Variants in ATIC observed in about 807,000 individuals in gnomAD.
The protein encoded by ATIC is 5-aminoimidazole-4-carboxamide ribonucleotide formyltransferase/IMP cyclohydrolase.
In ATIC, 64 loss-of-function variants were observed where a neutral mutation model predicts 72.5. That is an observed-to-expected ratio of 0.88 (90% CI 0.72 to 1.09). The LOEUF is 1.09. ATIC is among the 50% of genes least tolerant of loss of function. The pLI is 0.00. For missense variants in ATIC, 787 were observed against 732.4 expected (o/e 1.07, Z -0.86); for synonymous variants, 281 against 267.1 (o/e 1.05, Z -0.51).
intron 4 of ATIC, 61 bp from the exon 5 acceptor site, chr2:215,325,180 A>G (rs2052809070): frequency 7.8e-7 from 1 of 1,277,694 alleles, no homozygotes; most frequent in African/African-American, 1.5e-5. Context: ...TTTTTCCTAG[A>G]TAGCTGTAAA....
At chr2:215,342,536 C>T (rs1157251062) in intron 12 of ATIC, among the ~76,000 whole-genome samples, 1 of 152,068 alleles carries the variant, frequency 6.6e-6, no homozygotes, top group East Asian at 1.9e-4. Flanking sequence ...TGCAGTGATC[C>T]CTCATGTTCT....
At chr2:215,362,152 TAAAG>T in the ATIC span, 2 of 1,153,752 alleles carry the variant, frequency 1.7e-6, no homozygotes, top group African/African-American at 3.0e-5. Context: ...GTGTTTGAGT[TAAAG>T]AAAAATGTCA....
chr2:215,367,668 A>G, the ATIC span: 2 of 632,680 alleles, frequency 3.2e-6, no homozygotes, highest in African/African-American at 1.8e-5. Context: ...CTTGAAATGA[A>G]GCAATGTCCA....
chr2:215,346,905 T>C lies in ATIC; in HGVS notation c.1467T>C (p.Asn489=), dbSNP rs1275886320. Residue 489 remains asparagine (N), a synonymous_variant, in exon 14 of 16, where the codon AAT becomes AAC. Coordinates refer to ENST00000236959, the MANE Select transcript of ATIC (RefSeq NM_004044.7). ...KTGVKRAEIS[N]AIDQYVTGTI... ...GAGTGAAGAGAGCAGAAATCTCCAA[T>C]GCCATCGATCAATATGTGACTGGAA... 8 of 1,614,212 alleles carry C rather than the reference T, an allele frequency of 5.0e-6. No individual in the cohort carries two copies. The highest frequency in any genetic ancestry group is 6.8e-6 in the Non-Finnish European group (8 of 1,180,024).
rs1419270667 is a variant in ATIC at position 215,325,163 on chromosome 2, A to G, written c.291-78A>G. 7 of 1,032,008 alleles carry G rather than the reference A, an allele frequency of 6.8e-6. No homozygotes were observed. In the East Asian group the frequency reaches 1.7e-4, roughly 25 times the overall value. The allele number at this position is 1,032,008 out of a possible 1,614,324, so 63.9% of individuals were successfully genotyped here. A position where few individuals can be genotyped will look rare whatever the true frequency, so the allele number is the denominator to read the frequency against. On this transcript the variant is annotated intron_variant, in intron 4 of 15. Transcript: ENST00000236959. ...GCTTTTGTTTACGTTAATAGTACTG[A>G]CTTGTTTTTTTCCTAGATAGCTGTA...
the ATIC span, among the ~76,000 whole-genome samples, chr2:215,356,199 G>C: frequency 4.0e-3 from 609 of 152,294 alleles, 4 homozygotes; most frequent in African/African-American, 0.013. Context: ...GATAAATACT[G>C]TTTCAAAAAG....
chr2:215,341,044 C>T (rs1301474534), intron 12 of ATIC, among the ~76,000 whole-genome samples: 1 of 152,194 alleles, frequency 6.6e-6, no homozygotes, highest in East Asian at 1.9e-4. Flanking sequence ...AGGTCTGAAT[C>T]CTGAGGCCTT....
At chr2:215,361,929 C>G in the ATIC span, 1 of 1,597,802 alleles carries the variant, frequency 6.3e-7, no homozygotes, top group Admixed American at 1.7e-5. Context: ...AAGAGACTGT[C>G]TAGTATGAGG....
chr2:215,368,044 G>GAAA, the ATIC span: 1 of 1,613,318 alleles, frequency 6.2e-7, no homozygotes, highest in Non-Finnish European at 8.5e-7. Context: ...AGAAAAGGAA[G>GAAA]AAAAAGCAAA....
intron 14 of ATIC, 30 bp downstream of exon 14, chr2:215,346,971 G>A: frequency 6.2e-7 from 1 of 1,611,364 alleles, no homozygotes; most frequent in Non-Finnish European, 8.5e-7. Flanking sequence ...GTTCTCGGCT[G>A]TGTTAATATT....
Position 215,349,521 on chromosome 2 carries a change from A to G in ATIC, c.1660-15A>G, listed in dbSNP as rs567463987. ...ACATAAAATCGCGTTTTGAAAATCA[A>G]TATACTTCCCCCAGAGTGGTGTGGC... is the stretch of plus-strand genomic sequence containing the variant. On this transcript the variant is annotated splice_polypyrimidine_tract_variant and intron_variant, in intron 15 of 15. Coordinates refer to ENST00000236959, the MANE Select transcript of ATIC (RefSeq NM_004044.7). 2.4e-5 allele frequency: 39 copies of G among 1,614,136 alleles called. No homozygotes were observed. Among genetic ancestry groups the G allele is most frequent in the East Asian group, 1.6e-4 (7 of 44,874 alleles).
At chr2:215,337,835 G>A (rs958145555) in intron 11 of ATIC, among the ~76,000 whole-genome samples, 1 of 152,064 alleles carries the variant, frequency 6.6e-6, no homozygotes, top group African/African-American at 2.4e-5. Flanking sequence ...GGAATATCAG[G>A]ACTTCATTGG....
intron 4 of ATIC, among the ~76,000 whole-genome samples, chr2:215,323,046 G>A (rs1382974475): frequency 6.6e-6 from 1 of 152,110 alleles, no homozygotes; most frequent in South Asian, 2.1e-4. Flanking sequence ...CCGGGTTCAC[G>A]CCCTTCTCCT....
At chr2:215,357,817 G>A in the ATIC span, among the ~76,000 whole-genome samples, 1 of 149,488 alleles carries the variant, frequency 6.7e-6, no homozygotes. Flanking sequence ...ATCTTTAAAT[G>A]TTTCCAAACA....
rs949582825 is a variant in ATIC, at chr2:215,338,859, T to A, written c.1179T>A (p.Gly393=). The A allele has an allele frequency of 6.2e-7, 1 of 1,613,766 alleles. No individual in the cohort carries two copies. The highest frequency in any genetic ancestry group is 8.5e-7 in the Non-Finnish European group (1 of 1,179,864). The change falls in exon 12 of 16, where the codon GGT becomes GGA. Residue 393 remains glycine (G), a synonymous_variant. Transcript: ENST00000236959. The stretch of plus-strand genomic sequence containing the variant: ...ATTTAAGCCAGAAGAGAAATAATGG[T>A]GTCGTCGACAAGTCATTATTTAGCA... The part of the protein sequence containing the change: ...GLHLSQKRNN[G]VVDKSLFSNV...
chr2:215,350,337 G>A (rs561252481), downstream of ATIC, among the ~76,000 whole-genome samples: 1 of 152,148 alleles, frequency 6.6e-6, no homozygotes, highest in Non-Finnish European at 1.5e-5. Context: ...GTTTCACCAT[G>A]TTGGTCAGGC....
chr2:215,342,134 G>A (rs2053026401), intron 12 of ATIC, among the ~76,000 whole-genome samples: 1 of 152,082 alleles, frequency 6.6e-6, no homozygotes, highest in Non-Finnish European at 1.5e-5. Flanking sequence ...TATAATTCAG[G>A]GTGAGATTTA....
intron 6 of ATIC, 132 bp downstream of exon 6, chr2:215,326,270 A>G: frequency 8.4e-7 from 1 of 1,190,984 alleles, no homozygotes; most frequent in Non-Finnish European, 1.2e-6. Flanking sequence ...CCTTTTGTTA[A>G]AAATGGAGAA....
At chr2:215,344,069 C>T (rs2030774) in intron 12 of ATIC, among the ~76,000 whole-genome samples, 47,270 of 152,086 alleles carry the variant, frequency 0.31, 8,005 homozygotes, top group African/African-American at 0.41. Context: ...TTTGTGATGT[C>T]TATGAAACAA....
Sources: allele counts gnomAD v4.1 joint callset (sites outside exome capture counted in the v4.1 genomes callset), GRCh38; gene constraint gnomAD v4.1.1; transcripts MANE v1.5; gene names NCBI Gene and HGNC (gene_info 2026-07-23, HGNC 2026-07-21).